Variants in ABLIM3 observed in about 807,000 individuals in gnomAD.
ABLIM3 encodes actin-binding LIM protein 3.
ABLIM3 carries 61 observed loss-of-function variants against 109.5 expected under a neutral mutation model. The ratio of observed to expected loss-of-function variants is 0.56; its 90% CI spans 0.45 to 0.69. The LOEUF (loss-of-function observed/expected upper bound fraction) is 0.69, where lower values mean the gene tolerates loss of function less well. ABLIM3 is among the 30% of genes least tolerant of loss of function. ABLIM3 has a pLI of 0.00. For missense variants in ABLIM3, 796 were observed against 889.5 expected (o/e 0.89, Z 1.34); for synonymous variants, 300 against 324.8 (o/e 0.92, Z 0.82).
chr5:149,202,559 C>T (rs983652971), intron 5 of ABLIM3, among the ~76,000 whole-genome samples: 1 of 151,936 alleles, frequency 6.6e-6, no homozygotes, highest in African/African-American at 2.4e-5. Flanking sequence ...GAAACCAAAG[C>T]CAGGTATAAG....
chr5:149,197,468 A>G (rs867739179), intron 3 of ABLIM3, among the ~76,000 whole-genome samples: 1 of 151,912 alleles, frequency 6.6e-6, no homozygotes, highest in African/African-American at 2.4e-5. Flanking sequence ...GATATGGGAC[A>G]TTTTTTCTAT....
intron 23 of ABLIM3, among the ~76,000 whole-genome samples, chr5:149,253,301 G>GA (rs1045497235): frequency 2.0e-5 from 3 of 151,966 alleles, no homozygotes; most frequent in African/African-American, 4.8e-5. Context: ...TATGTGGAAG[G>GA]AAAAAAAGCA....
chr5:149,206,955 G>C, intron 5 of ABLIM3, 53 bp from the exon 6 acceptor site: 1 of 1,581,030 alleles, frequency 6.3e-7, no homozygotes, highest in Non-Finnish European at 8.6e-7. Context: ...CTGAGATAGC[G>C]GGGGTTAAAG....
At chr5:149,227,070 CAAAAAAAAAA>C (rs70973514) in intron 8 of ABLIM3, among the ~76,000 whole-genome samples, 2 of 96,334 alleles carry the variant, frequency 2.1e-5, no homozygotes, top group East Asian at 2.6e-4. Context: ...AACTCCATCT[CAAAAAAAAAA>C]AAAAAAAAAA....
intron 18 of ABLIM3, among the ~76,000 whole-genome samples, chr5:149,249,523 G>C (rs1403852658): frequency 6.6e-6 from 1 of 152,220 alleles, no homozygotes; most frequent in East Asian, 1.9e-4. Context: ...GGTCTGTGCA[G>C]TGCACCAGTG....
At chr5:149,174,016 C>T (rs1177690892) in intron 2 of ABLIM3, among the ~76,000 whole-genome samples, 56 of 123,380 alleles carry the variant, frequency 4.5e-4, no homozygotes, top group Admixed American at 1.1e-3. Flanking sequence ...AGCGAGACTC[C>T]GTCTCAAAAA....
chr5:149,146,268 T>C (rs1012134144), intron 2 of ABLIM3, among the ~76,000 whole-genome samples: 5 of 152,252 alleles, frequency 3.3e-5, no homozygotes, highest in Admixed American at 6.5e-5. Flanking sequence ...GTAAGTTGTC[T>C]GTTTACTCTG....
chr5:149,223,352 C>T (rs1436319574), intron 8 of ABLIM3, among the ~76,000 whole-genome samples: 5 of 152,180 alleles, frequency 3.3e-5, no homozygotes, highest in African/African-American at 1.2e-4. Context: ...GTAGCAATTT[C>T]CCGGCTTACT....
Position 149,259,226 on chromosome 5 carries a change from C to T in ABLIM3, c.*822C>T. ...ATCAGAGCTGCAGGATTTCTTGGGA[C>T]CCTCCTCTCTCCCTCACTGCTCCCA... On this transcript the variant is annotated 3_prime_UTR_variant, in exon 24 of 24. Transcript: ENST00000309868. The T allele has an allele frequency of 8.5e-7, 1 of 1,171,906 alleles. No homozygotes were observed. Among genetic ancestry groups the T allele is most frequent in the Non-Finnish European group, 1.1e-6 (1 of 946,236 alleles). The allele number at this position is 1,171,906 out of a possible 1,614,324, so 72.6% of individuals were successfully genotyped here. A position where few individuals can be genotyped will look rare whatever the true frequency, so the allele number is the denominator to read the frequency against.
intron 2 of ABLIM3, among the ~76,000 whole-genome samples, chr5:149,181,235 T>C (rs1756425941): frequency 6.6e-6 from 1 of 150,690 alleles, no homozygotes; most frequent in South Asian, 2.1e-4. Context: ...CAGGGAACAT[T>C]GAGTAAGAAT....
intron 9 of ABLIM3, among the ~76,000 whole-genome samples, chr5:149,232,838 T>G (rs1403513627): frequency 6.6e-6 from 1 of 152,218 alleles, no homozygotes; most frequent in Non-Finnish European, 1.5e-5. Context: ...ATTGTGCAAT[T>G]ACGTGAAATT....
intron 3 of ABLIM3, among the ~76,000 whole-genome samples, chr5:149,188,545 T>A (rs1757187431): frequency 6.6e-6 from 1 of 152,246 alleles, no homozygotes; most frequent in African/African-American, 2.4e-5. Context: ...GACTTATTTA[T>A]TATTAAGATG....
At chr5:149,239,486 C>A (rs1371436515) in intron 12 of ABLIM3, among the ~76,000 whole-genome samples, 2 of 152,132 alleles carry the variant, frequency 1.3e-5, no homozygotes, top group African/African-American at 4.8e-5. Flanking sequence ...CAGAGATGGC[C>A]TCCCTCAGGC....
chr5:149,185,003 G>A (rs948498039), intron 3 of ABLIM3, among the ~76,000 whole-genome samples: 10 of 152,162 alleles, frequency 6.6e-5, no homozygotes, highest in African/African-American at 2.4e-4. Flanking sequence ...CTTGGTGAGT[G>A]ATTATTTTTA....
At chr5:149,250,390 G>T in intron 19 of ABLIM3, 57 bp from the exon 20 acceptor site, 2 of 1,578,870 alleles carry the variant, frequency 1.3e-6, no homozygotes. Flanking sequence ...GATGACCTCA[G>T]GGAGAGGGAC....
chr5:149,192,035 T>A (rs1311130348), intron 3 of ABLIM3, among the ~76,000 whole-genome samples: 1 of 152,058 alleles, frequency 6.6e-6, no homozygotes. Context: ...CTGTCATAAT[T>A]GATAGATTAT....
chr5:149,170,258 C>CTCTCTCCT (rs1561548674), intron 2 of ABLIM3, among the ~76,000 whole-genome samples: 6 of 151,280 alleles, frequency 4.0e-5, no homozygotes, highest in Non-Finnish European at 7.4e-5. Flanking sequence ...CTCTCTCTCT[C>CTCTCTCCT]TCTCTCCTTC....
intron 23 of ABLIM3, among the ~76,000 whole-genome samples, 188 bp downstream of exon 23, chr5:149,253,025 C>T (rs1202919876): frequency 6.6e-6 from 1 of 152,092 alleles, no homozygotes; most frequent in Non-Finnish European, 1.5e-5. Flanking sequence ...AAAACTGTCC[C>T]ATGCTGTTCC....
At position 149,240,752 on chromosome 5, in the gene ABLIM3, T is replaced by C; in HGVS notation, c.1281T>C (p.Ala427=). The change falls in exon 14 of 24, where the codon GCT becomes GCC. Residue 427 remains alanine, a synonymous_variant. Transcript: ENST00000309868. ...CCTCCACTCCAACCTCTTACCAGGC[T>C]CCCAAGCACTTTCACATCCCAGGTA... ...VRSSTPTSYQ[A]PKHFHIPAGD... 10 of 1,614,080 alleles carry C rather than the reference T, an allele frequency of 6.2e-6. No individual in the cohort carries two copies. Among genetic ancestry groups the C allele is most frequent in the Non-Finnish European group, 8.5e-6 (10 of 1,180,032 alleles).
Sources: allele counts gnomAD v4.1 joint callset (sites outside exome capture counted in the v4.1 genomes callset), GRCh38; gene constraint gnomAD v4.1.1; transcripts MANE v1.5; gene names NCBI Gene and HGNC (gene_info 2026-07-23, HGNC 2026-07-21).